The following CACYBP variants were observed in gnomAD, a reference collection of about 807,000 sequenced individuals.
CACYBP encodes calcyclin-binding protein.
A neutral mutation model predicts 29.6 loss-of-function variants in CACYBP; 11 were observed. The observed-to-expected ratio is 0.37, with a 90% CI of 0.23 to 0.61. CACYBP has a LOEUF of 0.61. Ranked by LOEUF, CACYBP falls within the 20% of genes least tolerant of loss-of-function variation. The pLI, the probability that CACYBP is intolerant of heterozygous loss-of-function variation, is 0.65. For synonymous variants in CACYBP, 73 were observed against 88.3 expected, an observed-to-expected ratio of 0.83 and a Z score of 0.97; for missense variants, 163 against 260.7, an observed-to-expected ratio of 0.63 and a Z score of 2.58.
intron 1 of CACYBP, among the ~76,000 whole-genome samples, chr1:175,001,710 G>T (rs957785885): frequency 6.6e-6 from 1 of 152,162 alleles, no homozygotes; most frequent in African/African-American, 2.4e-5. Flanking sequence ...GTGGCACATT[G>T]TGTTTATCCT....
At position 175,006,724 on chromosome 1, in the gene CACYBP, A is replaced by G. The variant is rs747103218; in HGVS notation, c.236-21A>G. The stretch of plus-strand genomic sequence containing the variant: ...AGTTTCAGAGGCTTACTTACGTCCC[A>G]TCTTTTGTTGTCGTTGCCAGGATGG... On this transcript the variant is annotated intron_variant, in intron 2 of 5. Transcript: ENST00000367679. 5.3e-6 allele frequency: 7 copies of G among 1,312,698 alleles called. No homozygotes were observed. In the South Asian group the frequency reaches 5.9e-5, roughly 11 times the overall value. The allele number at this position is 1,312,698 out of a possible 1,614,324, so 81.3% of individuals were successfully genotyped here.
chr1:175,002,082 T>C (rs1027059638), intron 1 of CACYBP, among the ~76,000 whole-genome samples: 8 of 152,204 alleles, frequency 5.3e-5, no homozygotes, highest in African/African-American at 1.9e-4. Flanking sequence ...ATAATGCTGC[T>C]GCGAGTACTG....
intron 1 of CACYBP, among the ~76,000 whole-genome samples, chr1:175,002,872 T>A (rs1400350652): frequency 6.6e-6 from 1 of 152,224 alleles, no homozygotes; most frequent in Non-Finnish European, 1.5e-5. Flanking sequence ...GTATTCCTAT[T>A]TCAGTCAAAA....
rs1198689453 is a variant in CACYBP at position 175,008,713 on chromosome 1, C to G, written c.530+7C>G. On this transcript the variant is annotated splice_region_variant and intron_variant, in intron 5 of 5. Coordinates refer to ENST00000367679, the MANE Select transcript of CACYBP (RefSeq NM_014412.3). ...AGGAGTGCAAAGAAAAAGAGTGAGTCTACTTCCATTTTTTTAAAGAATTTT... is the reference window on the plus strand; with the variant it reads ...AGGAGTGCAAAGAAAAAGAGTGAGTGTACTTCCATTTTTTTAAAGAATTTT... The G allele has an allele frequency of 3.7e-6, 5 of 1,346,862 alleles. No homozygotes were observed. The highest frequency in any genetic ancestry group is 1.7e-5 in the Admixed American group (1 of 59,460). The allele number at this position is 1,346,862 out of a possible 1,614,324, so 83.4% of individuals were successfully genotyped here.
chr1:175,008,219 ACTC>A (rs1459472525), intron 4 of CACYBP, among the ~76,000 whole-genome samples: 1 of 151,318 alleles, frequency 6.6e-6, no homozygotes, highest in Admixed American at 6.6e-5. Context: ...AAATCCAGCC[ACTC>A]CTCCTGCTCC....
chr1:175,009,758 T>G (rs1176085424), intron 5 of CACYBP, among the ~76,000 whole-genome samples, 165 bp from the exon 6 acceptor site: 2 of 151,956 alleles, frequency 1.3e-5, no homozygotes, highest in Non-Finnish European at 2.9e-5. Flanking sequence ...ACGTGTGTGT[T>G]GTTTTCATTA....
intron 5 of CACYBP, 27 bp downstream of exon 5, chr1:175,008,733 A>C (rs1192137618): frequency 9.7e-7 from 1 of 1,029,738 alleles, no homozygotes; most frequent in Admixed American, 1.7e-5. Flanking sequence ...TTTTTTAAAG[A>C]ATTTTAGTGT....
At chr1:175,004,543 ATGAG>A in intron 1 of CACYBP, 67 bp from the exon 2 acceptor site, 1 of 903,412 alleles carries the variant, frequency 1.1e-6, no homozygotes, top group Non-Finnish European at 1.7e-6. Context: ...GTAAGTTGAA[ATGAG>A]TGATACGCAC....
At position 175,010,256 on chromosome 1, in the gene CACYBP, T is replaced by C. The variant is rs1672716854; in HGVS notation, c.*177T>C. 1 of 535,876 alleles carries C rather than the reference T, an allele frequency of 1.9e-6. No homozygotes were observed. Among genetic ancestry groups the C allele is most frequent in the Admixed American group, 3.5e-5 (1 of 28,548 alleles). 33.2% of individuals were successfully genotyped at this position (535,876 alleles called of 1,614,324 possible). On this transcript the variant is annotated 3_prime_UTR_variant, in exon 6 of 6. Transcript: ENST00000367679. ...AGGATTTATTTAAATAAAATATGCTTATTAAACACTCCTGCAAAGATGGTT... is the reference window on the plus strand; with the variant it reads ...AGGATTTATTTAAATAAAATATGCTCATTAAACACTCCTGCAAAGATGGTT...
upstream of CACYBP, chr1:174,999,688 CG>C: frequency 4.1e-6 from 1 of 242,782 alleles, no homozygotes; most frequent in South Asian, 4.1e-5. Context: ...CTCCGAAGAT[CG>C]GTACGTTATT....
intron 4 of CACYBP, among the ~76,000 whole-genome samples, chr1:175,007,744 C>T (rs1672652443): frequency 6.6e-6 from 1 of 152,146 alleles, no homozygotes; most frequent in African/African-American, 2.4e-5. Context: ...TAGCATTGTG[C>T]ATAATACTCG....
chr1:175,009,782 C>A, intron 5 of CACYBP, 141 bp from the exon 6 acceptor site: 1 of 578,660 alleles, frequency 1.7e-6, no homozygotes, highest in Admixed American at 3.3e-5. Flanking sequence ...TGAATTTGTG[C>A]GTGCCGTTTT....
chr1:175,008,482 T>C (rs1341594775), intron 4 of CACYBP, 127 bp from the exon 5 acceptor site: 1 of 579,064 alleles, frequency 1.7e-6, no homozygotes, highest in African/African-American at 1.9e-5. Context: ...ATACAAGTAT[T>C]ACTGGCACCC....
chr1:175,004,837 T>C lies in CACYBP; in HGVS notation c.235+4T>C. 1 of 1,586,994 alleles carries C rather than the reference T, an allele frequency of 6.3e-7. No individual in the cohort carries two copies. Among genetic ancestry groups the C allele is most frequent in the Non-Finnish European group, 8.7e-7 (1 of 1,155,302 alleles). ...ACGGTGAAAATCAGTAATTATGGTA[T>C]GACTTGCTTCCCTATAGCCAGTTCT... is the stretch of plus-strand genomic sequence containing the variant. On this transcript the variant is annotated splice_donor_region_variant and intron_variant, in intron 2 of 5. Coordinates refer to ENST00000367679, the MANE Select transcript of CACYBP (RefSeq NM_014412.3).
upstream of CACYBP, chr1:174,999,940 C>G (rs546624993): frequency 9.3e-4 from 537 of 578,130 alleles, 6 homozygotes; most frequent in African/African-American, 9.7e-3. Context: ...TGGGTGGAGC[C>G]AGGCTTGGCG....
chr1:175,008,552 A>G, intron 4 of CACYBP, 57 bp from the exon 5 acceptor site: 2 of 822,422 alleles, frequency 2.4e-6, no homozygotes, highest in Non-Finnish European at 4.2e-6. Flanking sequence ...TTTTATAAAT[A>G]TTCATGCTTA....
intron 4 of CACYBP, 63 bp from the exon 5 acceptor site, chr1:175,008,546 A>G: frequency 1.2e-6 from 1 of 808,262 alleles, no homozygotes; most frequent in South Asian, 1.5e-5. Flanking sequence ...TAATTGTTTT[A>G]TAAATATTCA....
intron 5 of CACYBP, among the ~76,000 whole-genome samples, chr1:175,009,142 C>T (rs1280412693): frequency 2.6e-5 from 4 of 152,106 alleles, no homozygotes; most frequent in Non-Finnish European, 4.4e-5. Flanking sequence ...TCTAAAGGTA[C>T]TGACTAAATT....
rs371379935 is a variant in CACYBP, at chr1:175,010,129, T to C, written c.*50T>C. ...GTGATGTGATGTGGAAATACTGATG[T>C]TTCCAGTAAGGGAATATTGGTGAGC... On this transcript the variant is annotated 3_prime_UTR_variant, in exon 6 of 6. Coordinates refer to ENST00000367679, the MANE Select transcript of CACYBP (RefSeq NM_014412.3). The C allele has an allele frequency of 6.6e-6, 10 of 1,509,544 alleles. No individual in the cohort carries two copies. In the African/African-American group the frequency reaches 1.4e-4, roughly 21 times the overall value. The allele number at this position is 1,509,544 out of a possible 1,614,324, so 93.5% of individuals were successfully genotyped here.
Sources: gnomAD v4.1 joint callset for allele counts (sites outside exome capture counted in the v4.1 genomes callset) on GRCh38, gnomAD v4.1.1 for gene constraint, MANE v1.5 for transcripts, NCBI Gene and HGNC (gene_info 2026-07-23, HGNC 2026-07-21) for gene names.